Variants in CMIP observed in about 807,000 individuals in gnomAD.
CMIP encodes C-Maf-inducing protein.
Under a neutral mutation model 97.3 loss-of-function variants are expected in CMIP, and 13 were observed. The ratio of observed to expected loss-of-function variants is 0.13; its 90% CI spans 0.09 to 0.21. CMIP has a LOEUF of 0.21. Ranked by LOEUF, CMIP falls within the 10% of genes least tolerant of loss-of-function variation. CMIP has a pLI of 1.00. For synonymous variants in CMIP, 538 were observed against 436.3 expected (o/e 1.23, Z -2.91); for missense variants, 847 against 1,024.9 (o/e 0.83, Z 2.37).
chr16:81,557,771 A>G (rs2090794686), intron 1 of CMIP, among the ~76,000 whole-genome samples: 1 of 152,236 alleles, frequency 6.6e-6, no homozygotes, highest in African/African-American at 2.4e-5. Flanking sequence ...GTCTCAAAAA[A>G]CAAGACAATT....
At chr16:81,641,793 C>T (rs1031310722) in intron 3 of CMIP, among the ~76,000 whole-genome samples, 7 of 152,306 alleles carry the variant, frequency 4.6e-5, no homozygotes, top group Middle Eastern at 3.4e-3. Flanking sequence ...TTTGGGAAAC[C>T]GAGGAGGCGA....
At chr16:81,549,360 C>T (rs140209184) in intron 1 of CMIP, among the ~76,000 whole-genome samples, 64 of 152,338 alleles carry the variant, frequency 4.2e-4, no homozygotes, top group Admixed American at 9.8e-4. Context: ...GTTGGTTTCA[C>T]ATCTGCTGTT....
At chr16:81,648,186 C>T (rs577990591) in intron 3 of CMIP, among the ~76,000 whole-genome samples, 6 of 150,992 alleles carry the variant, frequency 4.0e-5, no homozygotes, top group East Asian at 3.9e-4. Flanking sequence ...CCTCTTCACC[C>T]GACCATCGTG....
chr16:81,522,794 C>T (rs1353122503), intron 1 of CMIP, among the ~76,000 whole-genome samples: 1 of 152,038 alleles, frequency 6.6e-6, no homozygotes, highest in Admixed American at 6.6e-5. Context: ...AATTACTTGA[C>T]ATTCACCTCT....
chr16:81,638,180 G>GT (rs1169225626), intron 3 of CMIP, among the ~76,000 whole-genome samples: 2 of 152,188 alleles, frequency 1.3e-5, no homozygotes, highest in Admixed American at 1.3e-4. Flanking sequence ...TATACTTCCT[G>GT]GGGATACTCG....
chr16:81,518,626 A>G (rs767554260), intron 1 of CMIP: 1 of 152,162 alleles, frequency 6.6e-6, no homozygotes, highest in South Asian at 2.1e-4. Flanking sequence ...TTAGCATCCT[A>G]CCGTTCCCAC....
chr16:81,650,766 G>C (rs1378080418), intron 3 of CMIP, among the ~76,000 whole-genome samples: 1 of 152,186 alleles, frequency 6.6e-6, no homozygotes, highest in Non-Finnish European at 1.5e-5. Flanking sequence ...GGATGGGTCA[G>C]GGTTACAGAT....
intron 1 of CMIP, among the ~76,000 whole-genome samples, chr16:81,593,299 C>G (rs1238103371): frequency 6.6e-6 from 1 of 152,044 alleles, no homozygotes; most frequent in African/African-American, 2.4e-5. Context: ...CATGACCCCT[C>G]CTGGGTCCCC....
intron 1 of CMIP, among the ~76,000 whole-genome samples, chr16:81,481,808 C>G (rs2089227826): frequency 6.6e-6 from 1 of 151,902 alleles, no homozygotes; most frequent in Admixed American, 6.5e-5. Context: ...CATTCCTTCC[C>G]TCGTGGCAGC....
chr16:81,685,976 C>G (rs568983421), intron 10 of CMIP, among the ~76,000 whole-genome samples: 19 of 152,304 alleles, frequency 1.2e-4, no homozygotes, highest in African/African-American at 4.3e-4. Flanking sequence ...GGGCCAGGCT[C>G]ACAGGTTCAG....
At chr16:81,586,360 C>T (rs1447302322) in intron 1 of CMIP, among the ~76,000 whole-genome samples, 2 of 152,072 alleles carry the variant, frequency 1.3e-5, no homozygotes, top group Non-Finnish European at 2.9e-5. Flanking sequence ...CTATTATCAT[C>T]GAAACAGCGA....
intron 1 of CMIP, among the ~76,000 whole-genome samples, chr16:81,583,737 G>C (rs1179999009): frequency 1.3e-5 from 2 of 152,116 alleles, no homozygotes; most frequent in Non-Finnish European, 2.9e-5. Context: ...TTCCCAAGTG[G>C]TTTCTGGGAA....
chr16:81,703,323 G>A (rs60309908), intron 17 of CMIP, among the ~76,000 whole-genome samples: 13,004 of 152,118 alleles, frequency 0.085, 617 homozygotes, highest in East Asian at 0.16. Flanking sequence ...AAGGATGGAG[G>A]GGAGTGTGGA....
chr16:81,521,587 C>T (rs1259443377), intron 1 of CMIP, among the ~76,000 whole-genome samples: 3 of 152,304 alleles, frequency 2.0e-5, no homozygotes, highest in Non-Finnish European at 4.4e-5. Flanking sequence ...CTTATATTCA[C>T]ACTCTGAACC....
At chr16:81,541,437 G>C (rs1380952755) in intron 1 of CMIP, among the ~76,000 whole-genome samples, 2 of 152,210 alleles carry the variant, frequency 1.3e-5, no homozygotes, top group African/African-American at 4.8e-5. Flanking sequence ...GGCCCAGCCA[G>C]TCTAACCACT....
At chr16:81,683,285 C>T (rs911898817) in intron 10 of CMIP, among the ~76,000 whole-genome samples, 3 of 152,176 alleles carry the variant, frequency 2.0e-5, no homozygotes, top group Admixed American at 6.5e-5. Context: ...TGGCTCCCGT[C>T]GACCGCTTGG....
chr16:81,608,961 T>C (rs1022819359), intron 2 of CMIP, among the ~76,000 whole-genome samples: 4 of 152,212 alleles, frequency 2.6e-5, no homozygotes, highest in Admixed American at 6.5e-5. Context: ...TGTAACAGCA[T>C]TGGGCTGAGA....
At chr16:81,562,643 G>T (rs1159762897) in intron 1 of CMIP, among the ~76,000 whole-genome samples, 2 of 152,256 alleles carry the variant, frequency 1.3e-5, no homozygotes, top group African/African-American at 4.8e-5. Flanking sequence ...CCAGATGGGT[G>T]CATTACACAT....
intron 1 of CMIP, among the ~76,000 whole-genome samples, chr16:81,510,221 G>A (rs2089785019): frequency 6.6e-6 from 1 of 152,106 alleles, no homozygotes; most frequent in African/African-American, 2.4e-5. Context: ...GGACGAGGGG[G>A]TGCTCGCTCC....
Sources: gnomAD v4.1 joint callset for allele counts (sites outside exome capture counted in the v4.1 genomes callset) on GRCh38, gnomAD v4.1.1 for gene constraint, MANE v1.5 for transcripts, NCBI Gene and HGNC (gene_info 2026-07-23, HGNC 2026-07-21) for gene names.